DIP2C: variants seen among roughly 807,000 people sequenced by gnomAD.
DIP2C encodes DIP2 acetate--CoA ligase C (putative).
DIP2C carries 33 observed loss-of-function variants against 192.4 expected under a neutral mutation model. That is an observed-to-expected ratio of 0.17 (90% CI 0.13 to 0.23). The LOEUF (loss-of-function observed/expected upper bound fraction) is 0.23, where lower values mean the gene tolerates loss of function less well. Ranked by LOEUF, DIP2C falls within the 10% of genes least tolerant of loss-of-function variation. DIP2C has a pLI of 1.00. For synonymous variants in DIP2C, 979 were observed against 864.1 expected, an observed-to-expected ratio of 1.13 and a Z score of -2.33; for missense variants, 1,537 against 2,110.1, an observed-to-expected ratio of 0.73 and a Z score of 5.32.
intron 1 of DIP2C, among the ~76,000 whole-genome samples, chr10:495,925 G>A (rs925683087): frequency 3.3e-5 from 5 of 150,300 alleles, no homozygotes; most frequent in African/African-American, 1.2e-4. Flanking sequence ...TGAGTGCTGA[G>A]TACACAGAAC....
chr10:493,238 T>A (rs1045577331), intron 1 of DIP2C, among the ~76,000 whole-genome samples: 5 of 152,212 alleles, frequency 3.3e-5, no homozygotes, highest in African/African-American at 7.2e-5. Context: ...CAGGCAAGCA[T>A]AATTTCTCCA....
Position 390,018 on chromosome 10 carries a change from G to A in DIP2C, c.1570C>T (p.Leu524=), listed in dbSNP as rs1469270527. Residue 524 remains leucine, a synonymous_variant, in exon 13 of 37, where the codon CTG becomes TTG. Coordinates refer to ENST00000280886, the MANE Select transcript of DIP2C (RefSeq NM_014974.3). ...RTALLTHCQA[L]TQACGYTEAE... ...TCCGTGTAGCCACACGCCTGCGTCA[G>A]GGCCTGGCAGTGTGTCAGCAGCGCA... is the stretch of plus-strand genomic sequence containing the variant. 3.7e-6 allele frequency: 6 copies of A among 1,614,034 alleles called. No homozygotes were observed. The highest frequency in any genetic ancestry group is 1.7e-5 in the Admixed American group (1 of 60,012).
intron 3 of DIP2C, among the ~76,000 whole-genome samples, chr10:461,097 TAAC>T (rs1350530101): frequency 9.9e-5 from 15 of 152,152 alleles, no homozygotes; most frequent in Admixed American, 3.9e-4. Context: ...TGCAAAAACA[TAAC>T]AAATTGTAAA....
chr10:544,007 C>T (rs367807536), intron 1 of DIP2C, among the ~76,000 whole-genome samples: 3 of 152,240 alleles, frequency 2.0e-5, no homozygotes, highest in African/African-American at 2.4e-5. Flanking sequence ...GCACATAGTG[C>T]GTGACCTTTG....
chr10:384,330 C>T, intron 15 of DIP2C, among the ~76,000 whole-genome samples, 184 bp from the exon 16 acceptor site: 1 of 120,414 alleles, frequency 8.3e-6, no homozygotes, highest in East Asian at 2.7e-4. Context: ...CCTCCTTCTC[C>T]TGGGTTCAAG....
chr10:446,277 T>C (rs577431952), intron 3 of DIP2C, among the ~76,000 whole-genome samples: 1 of 152,196 alleles, frequency 6.6e-6, no homozygotes, highest in East Asian at 1.9e-4. Context: ...AGTCTCACGG[T>C]CCACTGGGCA....
intron 30 of DIP2C, among the ~76,000 whole-genome samples, chr10:328,683 A>G (rs1368722897): frequency 1.3e-5 from 2 of 152,230 alleles, no homozygotes; most frequent in African/African-American, 4.8e-5. Context: ...ATGCATTAGG[A>G]AAACAATGCA....
intron 1 of DIP2C, among the ~76,000 whole-genome samples, chr10:526,463 G>A (rs1297015393): frequency 7.4e-5 from 11 of 149,104 alleles, no homozygotes; most frequent in African/African-American, 2.0e-4. Flanking sequence ...CTGGGGCCCA[G>A]AACCAACACC....
intron 8 of DIP2C, 145 bp from the exon 9 acceptor site, chr10:409,162 A>G: frequency 1.5e-6 from 1 of 676,502 alleles, no homozygotes; most frequent in East Asian, 2.8e-5. Context: ...AGCTGAGCAA[A>G]GGGGGAACTG....
chr10:580,401 T>C (rs998924213), intron 1 of DIP2C, among the ~76,000 whole-genome samples: 6 of 152,122 alleles, frequency 3.9e-5, no homozygotes, highest in African/African-American at 1.2e-4. Flanking sequence ...AATGTGCAAA[T>C]ACCCATATGG....
chr10:370,011 A>G (rs1249680200), intron 17 of DIP2C: 2 of 985,254 alleles, frequency 2.0e-6, no homozygotes, highest in South Asian at 4.7e-5. Flanking sequence ...CTGCTCTTCT[A>G]GTTTTGCAAA....
chr10:597,180 C>T (rs945057945), intron 1 of DIP2C, among the ~76,000 whole-genome samples: 14 of 152,202 alleles, frequency 9.2e-5, no homozygotes, highest in African/African-American at 2.2e-4. Flanking sequence ...CAGTGGCATC[C>T]GTCTTCTGCC....
chr10:440,845 G>A (rs1967667076), intron 4 of DIP2C, 26 bp downstream of exon 4: 2 of 1,600,952 alleles, frequency 1.2e-6, no homozygotes, highest in Admixed American at 1.7e-5. Context: ...CATTCAGGAG[G>A]CCGTGTCGGG....
chr10:357,995 G>T, intron 22 of DIP2C, 58 bp from the exon 23 acceptor site: 1 of 1,337,806 alleles, frequency 7.5e-7, no homozygotes. Flanking sequence ...CTTCAGACTA[G>T]ACCTCCCACT....
At chr10:433,776 T>C (rs182957453) in intron 4 of DIP2C, among the ~76,000 whole-genome samples, 2 of 152,354 alleles carry the variant, frequency 1.3e-5, no homozygotes, top group African/African-American at 4.8e-5. Context: ...CTAAAGTAGA[T>C]TTCTTATATA....
At chr10:598,214 G>C (rs980972280) in intron 1 of DIP2C, among the ~76,000 whole-genome samples, 2 of 152,000 alleles carry the variant, frequency 1.3e-5, no homozygotes, top group African/African-American at 4.8e-5. Flanking sequence ...CCACCACCAA[G>C]GGCCACGAGG....
In DIP2C at chr10:579,782, A is replaced by G. The variant is rs529734250; in HGVS notation, c.86-93252T>C. 2.6e-5 allele frequency among the ~76,000 whole-genome samples: 4 copies of G among 152,170 alleles called. No individual in the cohort carries two copies. The South Asian group carries it at 6.2e-4, about 24-fold the overall frequency. The stretch of plus-strand genomic sequence containing the variant: ...GTACATGCAGAGCATACACATCCAT[A>G]TCCATATAGCATATGTACATAGGTA... On this transcript the variant is annotated intron_variant, in intron 1 of 36. Coordinates refer to ENST00000280886, the MANE Select transcript of DIP2C (RefSeq NM_014974.3).
chr10:638,557 G>A (rs1013295035), intron 1 of DIP2C, among the ~76,000 whole-genome samples: 1 of 152,186 alleles, frequency 6.6e-6, no homozygotes, highest in Admixed American at 6.5e-5. Flanking sequence ...CAGAAAACAA[G>A]ACATAACATA....
chr10:473,713 A>C (rs1335298290), intron 2 of DIP2C, among the ~76,000 whole-genome samples: 1 of 152,274 alleles, frequency 6.6e-6, no homozygotes, highest in African/African-American at 2.4e-5. Flanking sequence ...AGTGAGCACC[A>C]ATCACTAATA....
Sources: allele counts gnomAD v4.1 joint callset (sites outside exome capture counted in the v4.1 genomes callset), GRCh38; gene constraint gnomAD v4.1.1; transcripts MANE v1.5; gene names NCBI Gene and HGNC (gene_info 2026-07-23, HGNC 2026-07-21).